Variants in MSANTD5 observed in about 807,000 individuals in gnomAD.
The protein encoded by MSANTD5 is uncharacterized protein MSANTD5.
At chr5:178,694,916 T>G (rs1581732728) in exon 4 of MSANTD5, 1 of 151,310 alleles carries the variant, frequency 6.6e-6, no homozygotes, top group East Asian at 1.9e-4. Context: ...GCTCGGGAGG[T>G]GCGAGGTTAA....
chr5:178,705,801 CAAA>C, the MSANTD5 span, among the ~76,000 whole-genome samples: 1 of 151,988 alleles, frequency 6.6e-6, no homozygotes, highest in South Asian at 2.1e-4. Context: ...ACTAAAAATA[CAAA>C]AACTTAGCTG....
downstream of MSANTD5, among the ~76,000 whole-genome samples, chr5:178,693,084 C>A (rs946587402): frequency 1.3e-5 from 2 of 151,644 alleles, no homozygotes; most frequent in African/African-American, 2.4e-5. Flanking sequence ...CTGAGGCGGG[C>A]GGATCACCTG....
downstream of MSANTD5, among the ~76,000 whole-genome samples, chr5:178,693,226 T>C (rs1408525803): frequency 1.3e-5 from 2 of 151,970 alleles, no homozygotes; most frequent in African/African-American, 4.8e-5. Context: ...GGCAGGAGAA[T>C]TGCTTGAACC....
chr5:178,697,324 G>C lies in MSANTD5; in HGVS notation c.6+262C>G, dbSNP rs891982591. 1.2e-3 allele frequency among the ~76,000 whole-genome samples: 176 copies of C among 151,768 alleles called. 1 individual carries two copies. Among genetic ancestry groups the C allele is most frequent in the Non-Finnish European group, 1.4e-3 (95 of 67,952 alleles). ...AAAAAATTAGCCGGGCGTGGTGGCG[G>C]GCGCCTGTAGTCCCAGCTACTCGGG... is the stretch of plus-strand genomic sequence containing the variant. On this transcript the variant is annotated intron_variant, in intron 1 of 3. Coordinates refer to ENST00000648368, the Ensembl canonical transcript of MSANTD5.
At chr5:178,707,444 C>T in the MSANTD5 span, among the ~76,000 whole-genome samples, 2 of 150,748 alleles carry the variant, frequency 1.3e-5, no homozygotes, top group Admixed American at 6.6e-5. Context: ...TCTGGCGGGG[C>T]GCGGTGGCTC....
At chr5:178,697,401 C>T (rs539063521) in intron 1 of MSANTD5, among the ~76,000 whole-genome samples, 185 bp downstream of exon 1, 39 of 152,232 alleles carry the variant, frequency 2.6e-4, no homozygotes, top group Admixed American at 2.3e-3. Flanking sequence ...TTGCAGTGAG[C>T]CGGGATCGCG....
At chr5:178,702,307 T>A (rs893147401), upstream of MSANTD5, among the ~76,000 whole-genome samples, 2 of 147,060 alleles carry the variant, frequency 1.4e-5, no homozygotes, top group African/African-American at 5.0e-5. Flanking sequence ...TTTTCTTTTT[T>A]TTTTTTTTTT....
At chr5:178,692,533 C>T (rs1276641006), downstream of MSANTD5, among the ~76,000 whole-genome samples, 1 of 151,922 alleles carries the variant, frequency 6.6e-6, no homozygotes, top group Admixed American at 6.6e-5. Flanking sequence ...TGGAAACATC[C>T]CGGATGTCAT....
chr5:178,693,413 G>GTGTCA (rs1377294499), downstream of MSANTD5, among the ~76,000 whole-genome samples: 169 of 152,148 alleles, frequency 1.1e-3, 2 homozygotes, highest in African/African-American at 3.7e-3. Flanking sequence ...GAGTGTCACA[G>GTGTCA]CTCTTAAAGA....
downstream of MSANTD5, among the ~76,000 whole-genome samples, chr5:178,693,237 C>G (rs1398814381): frequency 6.6e-6 from 1 of 152,006 alleles, no homozygotes; most frequent in African/African-American, 2.4e-5. Context: ...TGCTTGAACC[C>G]AGGTGGCGGA....
downstream of MSANTD5, among the ~76,000 whole-genome samples, chr5:178,692,270 T>C (rs189201353): frequency 1.1e-4 from 16 of 149,874 alleles, 1 homozygote; most frequent in East Asian, 3.9e-4. Context: ...ATCCCAGCTA[T>C]TGGGGAGGCT....
chr5:178,700,635 C>A (rs7447174), upstream of MSANTD5, among the ~76,000 whole-genome samples: 1 of 52,038 alleles, frequency 1.9e-5, no homozygotes, highest in Non-Finnish European at 5.3e-5. Flanking sequence ...TCCTGAGAGT[C>A]CCTTCTCAGA....
intron 1 of MSANTD5, among the ~76,000 whole-genome samples, 179 bp downstream of exon 1, chr5:178,697,407 T>C (rs1451686261): frequency 6.6e-6 from 1 of 152,100 alleles, no homozygotes; most frequent in Non-Finnish European, 1.5e-5. Context: ...TGAGCCGGGA[T>C]CGCGCCCCTG....
At chr5:178,702,148 G>A (rs1336637253), upstream of MSANTD5, among the ~76,000 whole-genome samples, 1 of 151,826 alleles carries the variant, frequency 6.6e-6, no homozygotes, top group Non-Finnish European at 1.5e-5. Context: ...GATGTACCAA[G>A]GAAGTATTTT....
upstream of MSANTD5, among the ~76,000 whole-genome samples, chr5:178,701,756 A>AT (rs1301257359): frequency 6.8e-6 from 1 of 147,466 alleles, no homozygotes; most frequent in Non-Finnish European, 1.5e-5. Context: ...AAAAATATAT[A>AT]TTTTTTGAGA....
exon 4 of MSANTD5, chr5:178,694,776 T>C (rs1388543694): frequency 1.3e-5 from 2 of 152,188 alleles, no homozygotes; most frequent in African/African-American, 2.4e-5. Flanking sequence ...AGGATACATA[T>C]ATGGAACATG....
At chr5:178,699,881 A>ACGGGGACCC (rs1765457708), upstream of MSANTD5, among the ~76,000 whole-genome samples, 1 of 151,568 alleles carries the variant, frequency 6.6e-6, no homozygotes, top group Admixed American at 6.6e-5. Flanking sequence ...GTGGCTTCTA[A>ACGGGGACCC]TGGGGACCCT....
chr5:178,694,390 C>T (rs1186193431), downstream of MSANTD5, among the ~76,000 whole-genome samples: 1 of 150,964 alleles, frequency 6.6e-6, no homozygotes, highest in Non-Finnish European at 1.5e-5. Flanking sequence ...GCAGTTACCT[C>T]TGGGGTAAAA....
chr5:178,693,134 A>AC (rs1765373773), downstream of MSANTD5, among the ~76,000 whole-genome samples: 1 of 151,520 alleles, frequency 6.6e-6, no homozygotes, highest in African/African-American at 2.4e-5. Flanking sequence ...ACATAGAGAA[A>AC]CCCCGTCTCT....
Sources: allele counts gnomAD v4.1 joint callset (sites outside exome capture counted in the v4.1 genomes callset), GRCh38; gene constraint gnomAD v4.1.1; transcripts MANE v1.5; gene names NCBI Gene and HGNC (gene_info 2026-07-23, HGNC 2026-07-21).